The following MAPK9 variants were observed in gnomAD, a reference collection of about 807,000 sequenced individuals.
MAPK9 encodes the protein Jun kinase.
MAPK9 carries 30 observed loss-of-function variants against 57.1 expected under a neutral mutation model. The observed-to-expected ratio is 0.53, with a 90% CI of 0.39 to 0.71. The LOEUF (loss-of-function observed/expected upper bound fraction) is 0.71. MAPK9 is among the 30% of genes least tolerant of loss of function. The probability of loss-of-function intolerance (pLI) is 0.00; values close to 1 mark genes in which losing one functional copy is unlikely to be tolerated. For missense variants in MAPK9, 362 were observed against 521.0 expected (o/e 0.69, Z 2.97); for synonymous variants, 155 against 177.0 (o/e 0.88, Z 0.99).
intron 2 of MAPK9, among the ~76,000 whole-genome samples, chr5:180,276,753 C>T (rs1761859347): frequency 1.3e-5 from 2 of 152,174 alleles, no homozygotes; most frequent in Non-Finnish European, 2.9e-5. Flanking sequence ...ACTCGGGAGG[C>T]TGAGGCAGGA....
chr5:180,272,927 T>C (rs1030236062), intron 2 of MAPK9, among the ~76,000 whole-genome samples: 7 of 152,112 alleles, frequency 4.6e-5, no homozygotes, highest in Non-Finnish European at 8.8e-5. Flanking sequence ...TTCTACAAAT[T>C]TGTACAGCTG....
chr5:180,270,012 A>G (rs1164954211), intron 2 of MAPK9, among the ~76,000 whole-genome samples: 1 of 152,264 alleles, frequency 6.6e-6, no homozygotes, highest in Non-Finnish European at 1.5e-5. Flanking sequence ...TATAGTAAGA[A>G]TAAAATCTAC....
In MAPK9 at chr5:180,247,814, CA is replaced by C. The variant is rs762595920; in HGVS notation, c.617-305del. 5 of 1,601,186 alleles carry C rather than the reference CA, an allele frequency of 3.1e-6. No individual in the cohort carries two copies. Among genetic ancestry groups the C allele is most frequent in the Non-Finnish European group, 4.3e-6 (5 of 1,168,396 alleles). On this transcript the variant is annotated intron_variant, in intron 6 of 11. Coordinates refer to ENST00000452135, the MANE Select transcript of MAPK9 (RefSeq NM_002752.5). The surrounding 1 kb of genome is among the most constrained non-coding windows in gnomAD (Gnocchi z 4.5). Reference sequence around the variant, plus strand: ...GCTTTTCAGGGCCACACGCCCACCCCAGCCTCCATGGCCAAGTACCGGGTCC... The same window carrying C: ...GCTTTTCAGGGCCACACGCCCACCCCGCCTCCATGGCCAAGTACCGGGTCC...
At chr5:180,259,648 T>C (rs1259512325) in intron 5 of MAPK9, among the ~76,000 whole-genome samples, 3 of 152,142 alleles carry the variant, frequency 2.0e-5, no homozygotes, top group Non-Finnish European at 4.4e-5. Context: ...TGTGGTCAAG[T>C]CTCCAGACAT....
chr5:180,276,186 ATTT>A (rs1355992054), intron 2 of MAPK9, among the ~76,000 whole-genome samples: 2 of 152,174 alleles, frequency 1.3e-5, no homozygotes, highest in African/African-American at 2.4e-5. Context: ...TTATGTTTTT[ATTT>A]ATTTATATTA....
At position 180,240,645 on chromosome 5, in the gene MAPK9, C is replaced by T. The variant is rs1489320460; in HGVS notation, c.996+386G>A. 5.3e-5 allele frequency among the ~76,000 whole-genome samples: 8 copies of T among 152,328 alleles called. No homozygotes were observed. In the East Asian group the frequency reaches 1.5e-3, roughly 29 times the overall value. On this transcript the variant is annotated intron_variant, in intron 9 of 11. Coordinates refer to ENST00000452135, the MANE Select transcript of MAPK9 (RefSeq NM_002752.5). ...CCTCCAGCGGGGGAACCAGGAGCTA[C>T]AATGCCTTTAGGGAAGGATAAACAG...
chr5:180,240,354 T>A (rs1044372707), intron 9 of MAPK9, among the ~76,000 whole-genome samples: 14 of 152,246 alleles, frequency 9.2e-5, no homozygotes, highest in African/African-American at 3.1e-4. Context: ...GAACAAATTT[T>A]ACATTTTCTT....
intron 7 of MAPK9, among the ~76,000 whole-genome samples, chr5:180,243,188 T>G (rs186911929): frequency 6.6e-6 from 1 of 152,370 alleles, no homozygotes. Flanking sequence ...TGGAGAGACC[T>G]ATCTGACCTC....
At chr5:180,258,798 A>G (rs1759582376) in intron 5 of MAPK9, among the ~76,000 whole-genome samples, 1 of 150,042 alleles carries the variant, frequency 6.7e-6, no homozygotes, top group Non-Finnish European at 1.5e-5. Flanking sequence ...AGGCTGAGGC[A>G]GGCAGATCAT....
intron 3 of MAPK9, among the ~76,000 whole-genome samples, chr5:180,265,722 C>T (rs369661372): frequency 7.9e-5 from 12 of 152,168 alleles, no homozygotes; most frequent in South Asian, 4.1e-4. Context: ...GCGAGTCCCA[C>T]GGCTTAGGCA....
chr5:180,282,751 A>G (rs1201787175), intron 1 of MAPK9, among the ~76,000 whole-genome samples: 1 of 152,204 alleles, frequency 6.6e-6, no homozygotes, highest in Non-Finnish European at 1.5e-5. Flanking sequence ...CCAGCAACAC[A>G]GTTACTTGCA....
chr5:180,245,856 C>CCT (rs1238795386), intron 7 of MAPK9, among the ~76,000 whole-genome samples: 2 of 152,134 alleles, frequency 1.3e-5, no homozygotes, highest in Non-Finnish European at 2.9e-5. Flanking sequence ...TCTCTGAGAC[C>CCT]CTCAGTCTGA....
chr5:180,236,405 T>A lies in MAPK9; in HGVS notation c.1254A>T (p.Gly418=). 1 of 1,612,334 alleles carries A rather than the reference T, an allele frequency of 6.2e-7. No homozygotes were observed. Among genetic ancestry groups the A allele is most frequent in the Non-Finnish European group, 8.5e-7 (1 of 1,178,742 alleles). ...CCTATCATCGACAGCCTTCAAGGGGTCCCGTCGAGGCATCAAGACTGCTGT... is the reference window on the plus strand; with the variant it reads ...CCTATCATCGACAGCCTTCAAGGGGACCCGTCGAGGCATCAAGACTGCTGT... ...DTDSSLDAST[G]PLEGCR Residue 418 remains glycine (G), a synonymous_variant, in exon 12 of 12, where the codon GGA becomes GGT. Coordinates refer to ENST00000452135, the MANE Select transcript of MAPK9 (RefSeq NM_002752.5).
chr5:180,260,943 GA>G (rs11310451), intron 5 of MAPK9, among the ~76,000 whole-genome samples: 63,085 of 148,034 alleles, frequency 0.43, 13,465 homozygotes, highest in African/African-American at 0.5. Context: ...ATCAAATTGT[GA>G]AAAAAAAAAA....
intron 1 of MAPK9, among the ~76,000 whole-genome samples, chr5:180,291,448 C>T (rs1241124967): frequency 1.3e-5 from 2 of 152,202 alleles, no homozygotes; most frequent in Non-Finnish European, 2.9e-5. Flanking sequence ...ACAACCCTGT[C>T]CAGAAGAGAC....
chr5:180,238,637 C>A (rs1474456948), intron 10 of MAPK9, among the ~76,000 whole-genome samples: 121 of 115,470 alleles, frequency 1.0e-3, no homozygotes, highest in Non-Finnish European at 1.7e-3. Context: ...TTGAGACAGT[C>A]TCATGCTGTC....
chr5:180,287,610 AC>A (rs1472308702), intron 1 of MAPK9, among the ~76,000 whole-genome samples: 6 of 152,222 alleles, frequency 3.9e-5, no homozygotes, highest in Middle Eastern at 3.4e-3. Flanking sequence ...GCTACTGCAC[AC>A]CTTCAGGCCT....
chr5:180,276,175 GT>G (rs1490450402), intron 2 of MAPK9, among the ~76,000 whole-genome samples: 3 of 152,106 alleles, frequency 2.0e-5, no homozygotes, highest in Admixed American at 6.5e-5. Context: ...TGTGAACATT[GT>G]TATGTTTTTA....
Position 180,247,823 on chromosome 5 carries a change from T to C in MAPK9, c.617-313A>G. The C allele has an allele frequency of 5.0e-6, 8 of 1,611,504 alleles. No homozygotes were observed. Among genetic ancestry groups the C allele is most frequent in the Non-Finnish European group, 6.8e-6 (8 of 1,177,694 alleles). Reference sequence around the variant, plus strand: ...GGCCACACGCCCACCCCAGCCTCCATGGCCAAGTACCGGGTCCCCTGTGAA... The same window carrying C: ...GGCCACACGCCCACCCCAGCCTCCACGGCCAAGTACCGGGTCCCCTGTGAA... On this transcript the variant is annotated intron_variant, in intron 6 of 11. Transcript: ENST00000452135. This position sits in a 1 kb window ranked among gnomAD's most constrained non-coding sequence, Gnocchi z 4.5.
Sources: allele counts gnomAD v4.1 joint callset (sites outside exome capture counted in the v4.1 genomes callset), GRCh38; gene constraint gnomAD v4.1.1; non-coding constraint Gnocchi (gnomAD v3.1); transcripts MANE v1.5; gene names NCBI Gene and HGNC (gene_info 2026-07-23, HGNC 2026-07-21).